The following MRTFB variants were observed in gnomAD, a reference collection of about 807,000 sequenced individuals.
The protein encoded by MRTFB is myocardin related transcription factor B, also known as myocardin-related transcription factor B.
In MRTFB, 29 loss-of-function variants were observed where a neutral mutation model predicts 104.2. The ratio of observed to expected loss-of-function variants is 0.28; its 90% CI spans 0.21 to 0.38. MRTFB has a LOEUF of 0.38. Ranked by LOEUF, MRTFB falls within the 10% of genes least tolerant of loss-of-function variation. The probability of loss-of-function intolerance (pLI) is 1.00; values close to 1 mark genes in which losing one functional copy is unlikely to be tolerated. For missense variants in MRTFB, 1,270 were observed against 1,341.6 expected (o/e 0.95, Z 0.83); for synonymous variants, 535 against 519.5 (o/e 1.03, Z -0.41).
intron 3 of MRTFB, among the ~76,000 whole-genome samples, chr16:14,190,894 A>C (rs934277014): frequency 6.6e-6 from 1 of 152,202 alleles, no homozygotes; most frequent in Non-Finnish European, 1.5e-5. Context: ...GTTCTGCCAC[A>C]GACTGGCTAA....
At chr16:14,131,934 T>C (rs1281304027) in intron 2 of MRTFB, among the ~76,000 whole-genome samples, 3 of 152,126 alleles carry the variant, frequency 2.0e-5, no homozygotes, top group African/African-American at 4.8e-5. Context: ...CTTATGTGTA[T>C]ACCCAAGAGA....
chr16:14,104,263 C>T (rs1359728270), intron 2 of MRTFB, among the ~76,000 whole-genome samples: 1 of 152,196 alleles, frequency 6.6e-6, no homozygotes, highest in Non-Finnish European at 1.5e-5. Context: ...ACTGTCTGGG[C>T]TGAGCATAGA....
At chr16:14,118,461 A>G (rs74618735) in intron 2 of MRTFB, among the ~76,000 whole-genome samples, 307 of 151,658 alleles carry the variant, frequency 2.0e-3, no homozygotes, top group African/African-American at 7.0e-3. Flanking sequence ...TTCTTTCTGC[A>G]GAACCACCAT....
chr16:14,046,774 T>C, the MRTFB span, among the ~76,000 whole-genome samples: 4 of 152,252 alleles, frequency 2.6e-5, no homozygotes, highest in Non-Finnish European at 5.9e-5. Context: ...AGAACACGGC[T>C]GCAGAAGCAC....
intron 3 of MRTFB, among the ~76,000 whole-genome samples, chr16:14,184,857 G>T (rs905548120): frequency 6.6e-6 from 1 of 152,162 alleles, no homozygotes; most frequent in South Asian, 2.1e-4. Flanking sequence ...TAAGACTTTG[G>T]TTAAATTCCA....
intron 2 of MRTFB, among the ~76,000 whole-genome samples, chr16:14,138,782 A>G (rs1042139343): frequency 6.6e-6 from 1 of 152,232 alleles, no homozygotes; most frequent in Non-Finnish European, 1.5e-5. Context: ...CTATTTATGC[A>G]TACTCAGTTG....
chr16:14,101,032 T>G (rs975010596), intron 2 of MRTFB, among the ~76,000 whole-genome samples: 1 of 152,126 alleles, frequency 6.6e-6, no homozygotes, highest in African/African-American at 2.4e-5. Flanking sequence ...TTTTCTCGAT[T>G]TTTTTGTTTT....
At chr16:14,254,792 C>A (rs1466754243) in intron 15 of MRTFB, among the ~76,000 whole-genome samples, 1 of 152,130 alleles carries the variant, frequency 6.6e-6, no homozygotes, top group African/African-American at 2.4e-5. Context: ...ATGCATCATA[C>A]AAAGAATTGG....
At chr16:14,127,798 A>G (rs1567355285) in intron 2 of MRTFB, among the ~76,000 whole-genome samples, 1 of 149,030 alleles carries the variant, frequency 6.7e-6, no homozygotes, top group Non-Finnish European at 1.5e-5. Flanking sequence ...GTGAATATAT[A>G]TATATATTTT....
intron 5 of MRTFB, among the ~76,000 whole-genome samples, chr16:14,213,270 CTA>C (rs2041274126): frequency 6.6e-6 from 1 of 152,132 alleles, no homozygotes; most frequent in Admixed American, 6.6e-5. Flanking sequence ...TATTAAAAAA[CTA>C]TCTTCAAAAC....
chr16:14,009,359 T>C, the MRTFB span: 1 of 152,218 alleles, frequency 6.6e-6, no homozygotes, highest in Non-Finnish European at 1.5e-5. Flanking sequence ...TGCATATTGA[T>C]CTTGTATCCT....
intron 4 of MRTFB, among the ~76,000 whole-genome samples, chr16:14,210,780 A>G (rs1202837139): frequency 1.3e-5 from 2 of 152,238 alleles, no homozygotes; most frequent in Non-Finnish European, 2.9e-5. Flanking sequence ...ACTGATAAAC[A>G]TTCCATTTAT....
chr16:14,194,487 G>T (rs1447654854), intron 3 of MRTFB, among the ~76,000 whole-genome samples: 2 of 152,164 alleles, frequency 1.3e-5, no homozygotes, highest in African/African-American at 4.8e-5. Context: ...TCACATTGGG[G>T]GTTAGGGCTT....
chr16:14,260,146 C>G (rs375381835), intron 16 of MRTFB, among the ~76,000 whole-genome samples: 105 of 152,170 alleles, frequency 6.9e-4, no homozygotes, highest in African/African-American at 2.2e-3. Flanking sequence ...AGACATTTAC[C>G]AAATCATCAA....
chr16:14,103,500 G>T (rs1406077512), intron 2 of MRTFB, among the ~76,000 whole-genome samples: 2 of 152,152 alleles, frequency 1.3e-5, no homozygotes, highest in East Asian at 1.9e-4. Flanking sequence ...GACAGCCCTT[G>T]TGCCTTTACT....
the MRTFB span, chr16:14,013,253 TTG>T: frequency 6.6e-6 from 1 of 152,224 alleles, no homozygotes; most frequent in South Asian, 2.1e-4. Flanking sequence ...TCTGAGAGTG[TTG>T]TGTGTCTTCA....
At chr16:14,072,972 A>C (rs1397442454) in intron 1 of MRTFB, among the ~76,000 whole-genome samples, 1 of 152,118 alleles carries the variant, frequency 6.6e-6, no homozygotes, top group African/African-American at 2.4e-5. Context: ...CAAGGTTGAA[A>C]ATTTTTGGTT....
At chr16:14,228,291 A>G (rs1054867714) in intron 8 of MRTFB, among the ~76,000 whole-genome samples, 7 of 152,208 alleles carry the variant, frequency 4.6e-5, no homozygotes, top group Admixed American at 2.6e-4. Flanking sequence ...CCAAAAGAAA[A>G]CAGGGCTGGG....
At chr16:14,175,573 C>T (rs1457795519) in intron 3 of MRTFB, among the ~76,000 whole-genome samples, 1 of 152,126 alleles carries the variant, frequency 6.6e-6, no homozygotes, top group South Asian at 2.1e-4. Context: ...AACCACTGTT[C>T]CTTTAAAAAC....
Sources: gnomAD v4.1 joint callset for allele counts (sites outside exome capture counted in the v4.1 genomes callset) on GRCh38, gnomAD v4.1.1 for gene constraint, MANE v1.5 for transcripts, NCBI Gene and HGNC (gene_info 2026-07-23, HGNC 2026-07-21) for gene names.